The following ANKS1B variants were observed in gnomAD, a reference collection of about 807,000 sequenced individuals.
ANKS1B encodes the protein ankyrin repeat and sterile alpha motif domain containing 1B.
ANKS1B carries 36 observed loss-of-function variants against 148.3 expected under a neutral mutation model. That is an observed-to-expected ratio of 0.24 (90% CI 0.19 to 0.32). The LOEUF is 0.32. Among genes scored for constraint, ANKS1B ranks in the 10% least tolerant of loss-of-function variants. The pLI, the probability that ANKS1B is intolerant of heterozygous loss-of-function variation, is 1.00. For missense variants in ANKS1B, 1,157 were observed against 1,542.6 expected (o/e 0.75, Z 4.19); for synonymous variants, 542 against 560.8 (o/e 0.97, Z 0.47).
intron 17 of ANKS1B, among the ~76,000 whole-genome samples, chr12:99,026,766 T>G (rs1219848236): frequency 6.6e-6 from 1 of 152,150 alleles, no homozygotes; most frequent in Non-Finnish European, 1.5e-5. Flanking sequence ...ATAGGGTGCT[T>G]TAGCAAATTC....
intron 14 of ANKS1B, among the ~76,000 whole-genome samples, chr12:99,205,258 A>T (rs2082518324): frequency 6.6e-6 from 1 of 152,208 alleles, no homozygotes; most frequent in Non-Finnish European, 1.5e-5. Context: ...GGAAAGTAAC[A>T]TTTAAACAAT....
chr12:99,195,293 T>C (rs2081258094), intron 14 of ANKS1B, among the ~76,000 whole-genome samples: 2 of 152,138 alleles, frequency 1.3e-5, no homozygotes, highest in South Asian at 4.1e-4. Flanking sequence ...GTAATAAACA[T>C]GTTAAGTGCC....
chr12:99,374,394 GGTGT>G (rs1423208830), intron 12 of ANKS1B, among the ~76,000 whole-genome samples: 1 of 152,138 alleles, frequency 6.6e-6, no homozygotes, highest in Non-Finnish European at 1.5e-5. Flanking sequence ...TAGGTGAACT[GGTGT>G]GTCTACAGGG....
At chr12:99,790,460 C>T (rs1439376523) in intron 4 of ANKS1B, among the ~76,000 whole-genome samples, 1 of 151,822 alleles carries the variant, frequency 6.6e-6, no homozygotes, top group Non-Finnish European at 1.5e-5. Flanking sequence ...CACAGAAAAT[C>T]CAGAATAACC....
intron 9 of ANKS1B, among the ~76,000 whole-genome samples, chr12:99,615,627 T>C (rs2097949776): frequency 1.3e-5 from 2 of 152,172 alleles, no homozygotes; most frequent in South Asian, 2.1e-4. Context: ...AAACTAAGTA[T>C]TGATGTAACA....
chr12:99,940,829 G>A (rs570523862), intron 1 of ANKS1B, among the ~76,000 whole-genome samples: 3 of 152,190 alleles, frequency 2.0e-5, no homozygotes, highest in South Asian at 2.1e-4. Context: ...GGTGAAAGAC[G>A]ACTTCTAGCT....
chr12:98,784,243 G>A (rs2098767035), intron 22 of ANKS1B, among the ~76,000 whole-genome samples: 1 of 152,170 alleles, frequency 6.6e-6, no homozygotes, highest in Non-Finnish European at 1.5e-5. Flanking sequence ...AGGTGGGAGT[G>A]GACAAGGTGG....
chr12:99,134,661 A>T (rs866784792), intron 15 of ANKS1B, among the ~76,000 whole-genome samples: 6,885 of 114,514 alleles, frequency 0.06, 614 homozygotes, highest in African/African-American at 0.18. Context: ...ACACACACAC[A>T]CACACACACA....
At chr12:98,981,583 G>A (rs1271443522) in intron 17 of ANKS1B, among the ~76,000 whole-genome samples, 1 of 151,804 alleles carries the variant, frequency 6.6e-6, no homozygotes, top group Non-Finnish European at 1.5e-5. Context: ...TGACCCACCC[G>A]CCTTGGCCTC....
intron 8 of ANKS1B, among the ~76,000 whole-genome samples, chr12:99,676,644 G>T (rs2098574289): frequency 6.6e-6 from 1 of 152,178 alleles, no homozygotes; most frequent in South Asian, 2.1e-4. Flanking sequence ...TTTTCAATTT[G>T]AAATATTCCA....
chr12:99,929,519 A>G (rs1188629457), intron 1 of ANKS1B, among the ~76,000 whole-genome samples: 1 of 152,094 alleles, frequency 6.6e-6, no homozygotes, highest in Non-Finnish European at 1.5e-5. Flanking sequence ...CCATTTGTCA[A>G]TTTTGGCTTT....
intron 12 of ANKS1B, among the ~76,000 whole-genome samples, chr12:99,327,617 G>A (rs2086733368): frequency 6.7e-6 from 1 of 148,246 alleles, no homozygotes; most frequent in Admixed American, 6.9e-5. Flanking sequence ...GTGTTAGGGA[G>A]GTATATGTAT....
In ANKS1B at chr12:99,632,752, TATATATATATATA is replaced by T. The variant is rs1567522625; in HGVS notation, c.1272+22302_1272+22314del. Among the ~76,000 whole-genome samples, 265 of 112,292 alleles carry T rather than the reference TATATATATATATA, an allele frequency of 2.4e-3. 5 individuals carry two copies. The highest frequency in any genetic ancestry group is 2.4e-3 in the Non-Finnish European group (128 of 53,810). 73.7% of individuals were successfully genotyped at this position (112,292 alleles called of 152,430 possible). A position where few individuals can be genotyped will look rare whatever the true frequency, so the allele number is the denominator to read the frequency against. On this transcript the variant is annotated intron_variant, in intron 9 of 26. Transcript: ENST00000683438. The stretch of plus-strand genomic sequence containing the variant: ...CTATATATATATATATATATATATA[TATATATATATATA>T]TATTTTAATTATACTTTAAGTTCTA...
intron 14 of ANKS1B, among the ~76,000 whole-genome samples, chr12:99,231,970 G>A (rs1247678490): frequency 6.6e-6 from 1 of 152,090 alleles, no homozygotes; most frequent in African/African-American, 2.4e-5. Flanking sequence ...CTGCCTTAGT[G>A]AGTTCCTAAG....
At chr12:99,343,274 C>T (rs547514908) in intron 12 of ANKS1B, among the ~76,000 whole-genome samples, 2 of 152,174 alleles carry the variant, frequency 1.3e-5, no homozygotes, top group East Asian at 3.9e-4. Context: ...CTCTAGACTA[C>T]ATGAGAATAG....
At chr12:98,859,985 A>T (rs1284097322) in intron 17 of ANKS1B, among the ~76,000 whole-genome samples, 1 of 152,252 alleles carries the variant, frequency 6.6e-6, no homozygotes, top group Non-Finnish European at 1.5e-5. Flanking sequence ...AATTGATTTT[A>T]TAAGCTGCAA....
chr12:99,505,739 G>A (rs1404375286), intron 9 of ANKS1B, among the ~76,000 whole-genome samples: 3 of 151,256 alleles, frequency 2.0e-5, no homozygotes, highest in South Asian at 4.2e-4. Flanking sequence ...GGAGAAGACT[G>A]TGAAATTCTG....
At chr12:98,861,954 A>G (rs1010371970) in intron 17 of ANKS1B, among the ~76,000 whole-genome samples, 1 of 151,906 alleles carries the variant, frequency 6.6e-6, no homozygotes, top group Non-Finnish European at 1.5e-5. Flanking sequence ...CTTATGACAG[A>G]TGAGTTTTTT....
chr12:99,604,815 C>CAAAAA (rs150262116), intron 9 of ANKS1B, among the ~76,000 whole-genome samples: 9 of 80,926 alleles, frequency 1.1e-4, no homozygotes, highest in East Asian at 3.6e-4. Flanking sequence ...AACTCTATCT[C>CAAAAA]AAAAAAAAAA....
Sources: gnomAD v4.1 joint callset for allele counts (sites outside exome capture counted in the v4.1 genomes callset) on GRCh38, gnomAD v4.1.1 for gene constraint, MANE v1.5 for transcripts, NCBI Gene and HGNC (gene_info 2026-07-23, HGNC 2026-07-21) for gene names.